AGBL1: variants seen among roughly 807,000 people sequenced by gnomAD.
AGBL1 encodes AGBL carboxypeptidase 1.
AGBL1 carries 130 observed loss-of-function variants against 118.9 expected under a neutral mutation model. The observed-to-expected ratio is 1.09, with a 90% CI of 0.95 to 1.26. The LOEUF (loss-of-function observed/expected upper bound fraction) is 1.26, where lower values mean the gene tolerates loss of function less well. Ranked by LOEUF, AGBL1 falls within the 50% of genes most tolerant of loss-of-function variation. The pLI is 0.00. For synonymous variants in AGBL1, 555 were observed against 478.9 expected (o/e 1.16, Z -2.08); for missense variants, 1,584 against 1,298.1 (o/e 1.22, Z -3.38).
chr15:86,814,519 T>C (rs1169060261), intron 22 of AGBL1, among the ~76,000 whole-genome samples: 1 of 152,172 alleles, frequency 6.6e-6, no homozygotes, highest in African/African-American at 2.4e-5. Context: ...CACAGAAGCA[T>C]CTAGGTCACA....
intron 17 of AGBL1, among the ~76,000 whole-genome samples, chr15:86,394,746 G>A (rs2081337731): frequency 6.6e-6 from 1 of 152,088 alleles, no homozygotes. Context: ...AAAACTGGAG[G>A]AAGAAGAAGG....
At position 86,224,497 on chromosome 15, in the gene AGBL1, A is replaced by G. The variant is rs116614758; in HGVS notation, c.489-417A>G. Among the ~76,000 whole-genome samples the G allele has an allele frequency of 3.6e-3, 551 of 152,216 alleles. 5 individuals are homozygous for G. The highest frequency in any genetic ancestry group is 0.013 in the African/African-American group (523 of 41,528). On this transcript the variant is annotated intron_variant, in intron 5 of 22. Transcript: ENST00000614907. ...TTCAAGAAGTTTGCACTGTGCTGCT[A>G]CATTCACTAAGCCCCCAAGCCCCAC... is the stretch of plus-strand genomic sequence containing the variant.
Position 86,142,071 on chromosome 15 carries a change from A to T in AGBL1, c.115+4A>T, listed in dbSNP as rs2076970957. On this transcript the variant is annotated splice_donor_region_variant and intron_variant, in intron 2 of 22. Coordinates refer to ENST00000614907, the MANE Select transcript of AGBL1 (RefSeq NM_001386094.1). ...CTCGGAGATCTGCTTTCTGTTGGTG[A>T]GTAGGCCATGCTCTCATGCTTTCAT... 1 of 1,550,060 alleles carries T rather than the reference A, an allele frequency of 6.5e-7. No individual in the cohort carries two copies. Among genetic ancestry groups the T allele is most frequent in the East Asian group, 2.4e-5 (1 of 40,912 alleles).
Position 86,590,988 on chromosome 15 carries a change from A to C in AGBL1, c.2994+36451A>C, listed in dbSNP as rs531766563. On this transcript the variant is annotated intron_variant, in intron 21 of 22. Transcript: ENST00000614907. ...TTCAACTTTTCTCAGTTGTCCCAAT[A>C]ATGTACGTTATAGCTGTGTTTTCCT... 2.6e-5 allele frequency among the ~76,000 whole-genome samples: 4 copies of C among 152,312 alleles called. No individual in the cohort carries two copies. In the East Asian group the frequency reaches 7.7e-4, roughly 29 times the overall value.
Position 86,722,417 on chromosome 15 carries a change from T to C in AGBL1, c.3158+47981T>C, listed in dbSNP as rs185471865. On this transcript the variant is annotated intron_variant, in intron 22 of 22. Transcript: ENST00000614907. ...AACAAGCAATGGGGAAAGGATTCCC[T>C]GTTTAATAAATGGTGCTGGGAAAAC... is the stretch of plus-strand genomic sequence containing the variant. Among the ~76,000 whole-genome samples, 114 of 152,340 alleles carry C rather than the reference T, an allele frequency of 7.5e-4. 2 individuals carry two copies. Among genetic ancestry groups the C allele is most frequent in the African/African-American group, 2.6e-3 (108 of 41,584 alleles).
intron 22 of AGBL1, among the ~76,000 whole-genome samples, chr15:86,680,557 T>C (rs944465351): frequency 7.9e-6 from 1 of 127,172 alleles, no homozygotes; most frequent in Admixed American, 8.0e-5. Context: ...TCTTTCTTTC[T>C]TTCTTTTCTT....
chr15:86,558,231 C>A (rs1283816460), intron 21 of AGBL1, among the ~76,000 whole-genome samples: 1 of 152,134 alleles, frequency 6.6e-6, no homozygotes, highest in Admixed American at 6.6e-5. Flanking sequence ...AGGACCCAGG[C>A]ACTCAATTTC....
At position 86,623,075 on chromosome 15, in the gene AGBL1, C is replaced by T. The variant is rs367659748; in HGVS notation, c.2995-51198C>T. Among the ~76,000 whole-genome samples, 16 of 152,274 alleles carry T rather than the reference C, an allele frequency of 1.1e-4. No homozygotes were observed. The South Asian group carries it at 2.5e-3, about 24-fold the overall frequency. ...GATAGTGCTCCAGCAGTAATGCAAG[C>T]GATGGGAGGTGCCTGTAAATACAGA... On this transcript the variant is annotated intron_variant, in intron 21 of 22. Coordinates refer to ENST00000614907, the MANE Select transcript of AGBL1 (RefSeq NM_001386094.1).
chr15:86,494,239 G>T (rs1344185773), intron 18 of AGBL1, among the ~76,000 whole-genome samples: 1 of 152,034 alleles, frequency 6.6e-6, no homozygotes, highest in Admixed American at 6.6e-5. Flanking sequence ...TTGATGTGGG[G>T]TCATGTTTGT....
chr15:86,566,992 G>C (rs559496688), intron 21 of AGBL1, among the ~76,000 whole-genome samples: 1 of 152,232 alleles, frequency 6.6e-6, no homozygotes, highest in Admixed American at 6.5e-5. Context: ...ATGCTATAAA[G>C]ACTGAATGAG....
At chr15:86,892,778 A>G (rs1444549302) in intron 22 of AGBL1, among the ~76,000 whole-genome samples, 1 of 152,160 alleles carries the variant, frequency 6.6e-6, no homozygotes, top group South Asian at 2.1e-4. Context: ...GTAATAAATT[A>G]TGTCCTTCCT....
chr15:86,925,425 G>A (rs1234684061), intron 23 of AGBL1, among the ~76,000 whole-genome samples: 1 of 152,134 alleles, frequency 6.6e-6, no homozygotes, highest in Non-Finnish European at 1.5e-5. Context: ...CAAAGAAGAA[G>A]CATTAGTTTC....
intron 1 of AGBL1, among the ~76,000 whole-genome samples, chr15:86,135,298 A>G (rs1277511571): frequency 2.0e-5 from 3 of 152,190 alleles, no homozygotes; most frequent in Non-Finnish European, 4.4e-5. Flanking sequence ...CTTTCACGAA[A>G]AGCAGATGCT....
chr15:86,191,499 T>G (rs576745760), intron 5 of AGBL1, among the ~76,000 whole-genome samples: 2 of 152,104 alleles, frequency 1.3e-5, no homozygotes, highest in Non-Finnish European at 2.9e-5. Flanking sequence ...TAGCCCTGAA[T>G]GTAGAAGAAA....
chr15:86,460,740 G>T (rs755614072), intron 18 of AGBL1, among the ~76,000 whole-genome samples: 1 of 152,150 alleles, frequency 6.6e-6, no homozygotes. Context: ...CTTCCTTGCC[G>T]CTTTTCCTTA....
intron 22 of AGBL1, among the ~76,000 whole-genome samples, chr15:86,887,245 AT>A (rs777301781): frequency 3.3e-5 from 5 of 152,180 alleles, no homozygotes; most frequent in Non-Finnish European, 7.4e-5. Context: ...GCATATATCT[AT>A]TTATGTATGT....
chr15:86,533,303 A>T (rs2083376266), intron 19 of AGBL1, among the ~76,000 whole-genome samples: 2 of 132,360 alleles, frequency 1.5e-5, no homozygotes, highest in Admixed American at 1.5e-4. Flanking sequence ...TGGGCGAAGG[A>T]CATGAGCAGA....
chr15:86,712,386 A>G (rs2086574586), intron 22 of AGBL1, among the ~76,000 whole-genome samples: 3 of 150,212 alleles, frequency 2.0e-5, no homozygotes, highest in Admixed American at 2.0e-4. Flanking sequence ...TTAATTTACC[A>G]CTGACATTAA....
intron 21 of AGBL1, among the ~76,000 whole-genome samples, chr15:86,610,004 C>T (rs974170147): frequency 1.3e-5 from 2 of 152,170 alleles, no homozygotes; most frequent in African/African-American, 4.8e-5. Context: ...AAATAAGTAG[C>T]AGAGCTATGC....
Sources: gnomAD v4.1 joint callset for allele counts (sites outside exome capture counted in the v4.1 genomes callset) on GRCh38, gnomAD v4.1.1 for gene constraint, MANE v1.5 for transcripts, NCBI Gene and HGNC (gene_info 2026-07-23, HGNC 2026-07-21) for gene names.